Variants in RPS6KC1 observed in about 807,000 individuals in gnomAD.
RPS6KC1 encodes inactive ribosomal protein S6 kinase delta-1.
RPS6KC1 carries 54 observed loss-of-function variants against 103.8 expected under a neutral mutation model. The ratio of observed to expected loss-of-function variants is 0.52; its 90% CI spans 0.42 to 0.65. The LOEUF is 0.65. Ranked by LOEUF, RPS6KC1 falls within the 30% of genes least tolerant of loss-of-function variation. The probability of loss-of-function intolerance (pLI) is 0.00; values close to 1 mark genes in which losing one functional copy is unlikely to be tolerated. For synonymous variants in RPS6KC1, 439 were observed against 438.7 expected, an observed-to-expected ratio of 1.00 and a Z score of -0.01; for missense variants, 1,151 against 1,253.8, an observed-to-expected ratio of 0.92 and a Z score of 1.24.
the RPS6KC1 span, among the ~76,000 whole-genome samples, chr1:213,667,898 A>C: frequency 6.6e-6 from 1 of 152,228 alleles, no homozygotes; most frequent in Non-Finnish European, 1.5e-5. Context: ...CATAGGAAGC[A>C]ATTTTTCACC....
At chr1:213,178,877 G>A (rs1412183292) in intron 8 of RPS6KC1, among the ~76,000 whole-genome samples, 1 of 151,852 alleles carries the variant, frequency 6.6e-6, no homozygotes, top group African/African-American at 2.4e-5. Flanking sequence ...CACCATGCCT[G>A]GCTAATAGTT....
the RPS6KC1 span, among the ~76,000 whole-genome samples, chr1:213,498,981 T>C: frequency 2.6e-3 from 388 of 151,184 alleles, 1 homozygote; most frequent in African/African-American, 9.0e-3. Context: ...GGTTTCTCCA[T>C]GTTGTCCAGG....
At chr1:213,557,356 G>T in the RPS6KC1 span, among the ~76,000 whole-genome samples, 9 of 152,320 alleles carry the variant, frequency 5.9e-5, no homozygotes, top group East Asian at 1.7e-3. Context: ...AAGTCTCCAT[G>T]CTGGCTACAG....
rs189603363 is a variant in RPS6KC1 at position 213,187,077 on chromosome 1, T to C, written c.1044+10585T>C. Among the ~76,000 whole-genome samples the C allele has an allele frequency of 3.3e-5, 5 of 152,258 alleles. No homozygotes were observed. The East Asian group carries it at 9.7e-4, about 29-fold the overall frequency. ...TTGTGCCAACATACCTGGCTAATTTTTTTTGTAGAGATGGGGGTCTTCCTA... is the reference window on the plus strand; with the variant it reads ...TTGTGCCAACATACCTGGCTAATTTCTTTTGTAGAGATGGGGGTCTTCCTA... On this transcript the variant is annotated intron_variant, in intron 8 of 14. Coordinates refer to ENST00000366960, the MANE Select transcript of RPS6KC1 (RefSeq NM_012424.6).
the RPS6KC1 span, among the ~76,000 whole-genome samples, chr1:213,449,574 T>C: frequency 6.6e-6 from 1 of 152,142 alleles, no homozygotes; most frequent in African/African-American, 2.4e-5. Context: ...CTTAATTACC[T>C]CTTTAACGGC....
the RPS6KC1 span, among the ~76,000 whole-genome samples, chr1:213,618,522 G>T: frequency 1.3e-5 from 2 of 152,200 alleles, no homozygotes; most frequent in African/African-American, 2.4e-5. Flanking sequence ...AGGATACTGT[G>T]GGTGCAGTGA....
the RPS6KC1 span, among the ~76,000 whole-genome samples, chr1:213,514,480 G>A: frequency 6.7e-6 from 1 of 149,856 alleles, no homozygotes; most frequent in African/African-American, 2.5e-5. Context: ...AACATGTGGT[G>A]TTTGTTTTTT....
chr1:213,746,171 T>G, the RPS6KC1 span, among the ~76,000 whole-genome samples: 3 of 152,190 alleles, frequency 2.0e-5, no homozygotes, highest in Admixed American at 2.0e-4. Flanking sequence ...TCATATGTTA[T>G]CAGGTGATGA....
the RPS6KC1 span, among the ~76,000 whole-genome samples, chr1:213,842,570 A>G: frequency 6.6e-6 from 1 of 152,210 alleles, no homozygotes; most frequent in Non-Finnish European, 1.5e-5. Context: ...GACATCCCCC[A>G]AGGCCAATCC....
At chr1:213,087,892 A>G (rs1443157551) in intron 3 of RPS6KC1, among the ~76,000 whole-genome samples, 1 of 152,038 alleles carries the variant, frequency 6.6e-6, no homozygotes, top group Non-Finnish European at 1.5e-5. Context: ...CCCTGCCAAC[A>G]CATTTTGGAC....
At chr1:213,817,265 C>A in the RPS6KC1 span, among the ~76,000 whole-genome samples, 2 of 152,340 alleles carry the variant, frequency 1.3e-5, no homozygotes, top group African/African-American at 4.8e-5. Context: ...GGTCTCCTTC[C>A]GTCCCTGGAC....
chr1:213,455,989 G>A, the RPS6KC1 span, among the ~76,000 whole-genome samples: 1 of 152,068 alleles, frequency 6.6e-6, no homozygotes, highest in Non-Finnish European at 1.5e-5. Context: ...TAATTCCAGT[G>A]CTTCTCTTTA....
the RPS6KC1 span, among the ~76,000 whole-genome samples, chr1:213,557,011 T>C: frequency 2.6e-5 from 4 of 152,156 alleles, no homozygotes; most frequent in Non-Finnish European, 5.9e-5. Flanking sequence ...TCTTTAGGAA[T>C]TGATAGGCAG....
At chr1:213,598,905 G>A in the RPS6KC1 span, among the ~76,000 whole-genome samples, 17 of 152,048 alleles carry the variant, frequency 1.1e-4, no homozygotes. Flanking sequence ...GGGCGACAGA[G>A]ACTATGTCTC....
At chr1:213,615,320 A>T in the RPS6KC1 span, among the ~76,000 whole-genome samples, 1 of 152,362 alleles carries the variant, frequency 6.6e-6, no homozygotes. Flanking sequence ...CCAGCAGCAC[A>T]TGGAAGGAAC....
At chr1:213,652,573 G>A in the RPS6KC1 span, among the ~76,000 whole-genome samples, 1 of 152,210 alleles carries the variant, frequency 6.6e-6, no homozygotes, top group Admixed American at 6.5e-5. Context: ...CAAGCAAAAT[G>A]CAACAAAAAT....
chr1:213,471,030 G>T, the RPS6KC1 span, among the ~76,000 whole-genome samples: 1 of 152,148 alleles, frequency 6.6e-6, no homozygotes, highest in Non-Finnish European at 1.5e-5. Flanking sequence ...TTTTCGGAAT[G>T]AGTTGATTTT....
At chr1:213,809,507 T>TA in the RPS6KC1 span, among the ~76,000 whole-genome samples, 1 of 152,242 alleles carries the variant, frequency 6.6e-6, no homozygotes, top group East Asian at 1.9e-4. Flanking sequence ...TCGCAAACCT[T>TA]AAATTGATAA....
chr1:213,557,174 A>C, the RPS6KC1 span, among the ~76,000 whole-genome samples: 2 of 152,092 alleles, frequency 1.3e-5, no homozygotes, highest in Non-Finnish European at 2.9e-5. Context: ...GTGCTTCTCT[A>C]TGCAAGGTGA....
Sources: allele counts gnomAD v4.1 joint callset (sites outside exome capture counted in the v4.1 genomes callset), GRCh38; gene constraint gnomAD v4.1.1; transcripts MANE v1.5; gene names NCBI Gene and HGNC (gene_info 2026-07-23, HGNC 2026-07-21).